The following MCPH1 variants were observed in gnomAD, a reference collection of about 807,000 sequenced individuals.
The protein encoded by MCPH1 is microcephalin 1.
A neutral mutation model predicts 84.5 loss-of-function variants in MCPH1; 104 were observed. That is an observed-to-expected ratio of 1.23 (90% confidence interval 1.05 to 1.45). MCPH1 has a LOEUF of 1.45. MCPH1 is among the 40% of genes most tolerant of loss of function. The pLI, the probability that MCPH1 is intolerant of heterozygous loss-of-function variation, is 0.00. For missense variants in MCPH1, 1,498 were observed against 1,005.7 expected, an observed-to-expected ratio of 1.49 and a Z score of -6.62; for synonymous variants, 514 against 366.8, an observed-to-expected ratio of 1.40 and a Z score of -4.58.
At chr8:6,527,814 C>T in intron 12 of MCPH1, 1 of 837,474 alleles carries the variant, frequency 1.2e-6, no homozygotes, top group Non-Finnish European at 1.8e-6. Context: ...CTTATTTTGG[C>T]ATATTTTTCA....
intron 9 of MCPH1, among the ~76,000 whole-genome samples, chr8:6,475,624 G>T (rs1808346367): frequency 6.6e-6 from 1 of 152,216 alleles, no homozygotes; most frequent in Non-Finnish European, 1.5e-5. Context: ...TGAGTCGGGA[G>T]GGCAATGCTC....
At chr8:6,633,847 G>C (rs71525746) in intron 13 of MCPH1, among the ~76,000 whole-genome samples, 1 of 152,166 alleles carries the variant, frequency 6.6e-6, no homozygotes, top group Middle Eastern at 3.4e-3. Flanking sequence ...TGAAAATGTC[G>C]AAAAGGCCTG....
At chr8:6,419,507 C>T (rs1282597021) in intron 3 of MCPH1, among the ~76,000 whole-genome samples, 1 of 152,048 alleles carries the variant, frequency 6.6e-6, no homozygotes, top group African/African-American at 2.4e-5. Context: ...ATTCTCCTGC[C>T]TCAGCCTCCC....
intron 12 of MCPH1, among the ~76,000 whole-genome samples, chr8:6,511,350 G>C (rs543337238): frequency 9.2e-5 from 14 of 152,104 alleles, no homozygotes; most frequent in African/African-American, 3.1e-4. Flanking sequence ...GTGGAGTAAA[G>C]AGGTAACATC....
At chr8:6,462,082 A>C (rs1289944309) in intron 9 of MCPH1, among the ~76,000 whole-genome samples, 1 of 152,218 alleles carries the variant, frequency 6.6e-6, no homozygotes, top group Non-Finnish European at 1.5e-5. Flanking sequence ...CAGAGCACAG[A>C]AATGTTTACA....
At chr8:6,511,689 C>G (rs1467210980) in intron 12 of MCPH1, among the ~76,000 whole-genome samples, 1 of 152,118 alleles carries the variant, frequency 6.6e-6, no homozygotes, top group East Asian at 1.9e-4. Context: ...GATGTAATAT[C>G]TATTTTATCT....
chr8:6,613,605 G>C (rs2980664), intron 12 of MCPH1, among the ~76,000 whole-genome samples: 1 of 151,812 alleles, frequency 6.6e-6, no homozygotes, highest in East Asian at 2.0e-4. Flanking sequence ...TCCCCGGGGA[G>C]ACAGGAGCCC....
At chr8:6,461,770 G>A (rs940940964) in intron 9 of MCPH1, among the ~76,000 whole-genome samples, 4 of 152,146 alleles carry the variant, frequency 2.6e-5, no homozygotes, top group African/African-American at 4.8e-5. Flanking sequence ...ATATTATGAC[G>A]AATTTTGACC....
intron 11 of MCPH1, among the ~76,000 whole-genome samples, chr8:6,496,538 C>T (rs574162524): frequency 8.6e-5 from 13 of 151,866 alleles, no homozygotes; most frequent in South Asian, 2.1e-4. Context: ...CCCCTTCCCC[C>T]GCCTTTTTCC....
chr8:6,568,259 GGAATGTGGACCCATCGCTAGCT>G (rs1826370436), intron 12 of MCPH1, among the ~76,000 whole-genome samples: 2 of 118,030 alleles, frequency 1.7e-5, no homozygotes, highest in South Asian at 5.0e-4. Flanking sequence ...AGCTGAATGT[GGAATGTGGACCCATCGCTAGCT>G]GAATGTGGAA....
At chr8:6,535,424 A>G (rs1281547975) in intron 12 of MCPH1, among the ~76,000 whole-genome samples, 3 of 152,266 alleles carry the variant, frequency 2.0e-5, no homozygotes, top group Admixed American at 1.3e-4. Context: ...CATAAAAACA[A>G]TAGAATGCAA....
intron 12 of MCPH1, among the ~76,000 whole-genome samples, chr8:6,566,920 G>C (rs1826217977): frequency 6.7e-6 from 1 of 148,278 alleles, no homozygotes; most frequent in Non-Finnish European, 1.5e-5. Context: ...CAAGGCCATG[G>C]ATAGTGCACG....
intron 12 of MCPH1, among the ~76,000 whole-genome samples, chr8:6,577,950 G>A (rs1034563001): frequency 7.2e-5 from 11 of 152,168 alleles, no homozygotes; most frequent in Admixed American, 6.5e-5. Context: ...TGTCTGTGGG[G>A]GTAGGTCCTC....
intron 11 of MCPH1, among the ~76,000 whole-genome samples, chr8:6,483,425 C>A (rs886207144): frequency 6.6e-6 from 1 of 152,130 alleles, no homozygotes; most frequent in Non-Finnish European, 1.5e-5. Flanking sequence ...TTTGGGGCAT[C>A]CTTTCAAGCT....
chr8:6,499,710 A>G (rs1586135550), intron 11 of MCPH1, 142 bp from the exon 12 acceptor site: 3 of 702,364 alleles, frequency 4.3e-6, no homozygotes, highest in East Asian at 5.1e-5. Context: ...AAGATTCTGA[A>G]GGGACTTTGT....
chr8:6,582,451 T>A (rs547999611), intron 12 of MCPH1, among the ~76,000 whole-genome samples: 13 of 152,366 alleles, frequency 8.5e-5, no homozygotes, highest in African/African-American at 3.1e-4. Flanking sequence ...TCTGTGTATT[T>A]GCTTATTTAA....
chr8:6,568,732 C>T (rs1004320907), intron 12 of MCPH1, among the ~76,000 whole-genome samples: 3 of 152,234 alleles, frequency 2.0e-5, no homozygotes, highest in African/African-American at 7.2e-5. Flanking sequence ...TTCCATCAGG[C>T]CTGGGCAGCC....
intron 9 of MCPH1, among the ~76,000 whole-genome samples, chr8:6,465,485 C>T (rs1207182196): frequency 6.6e-5 from 10 of 152,212 alleles, no homozygotes; most frequent in Non-Finnish European, 2.9e-5. Flanking sequence ...GAGACTGTGA[C>T]TCACTTCTGT....
chr8:6,490,397 G>T (rs1014252114), intron 11 of MCPH1, among the ~76,000 whole-genome samples: 2 of 152,096 alleles, frequency 1.3e-5, no homozygotes, highest in East Asian at 3.9e-4. Flanking sequence ...GGACTTTGGG[G>T]ACATTGTTAA....
Sources: gnomAD v4.1 joint callset for allele counts (sites outside exome capture counted in the v4.1 genomes callset) on GRCh38, gnomAD v4.1.1 for gene constraint, MANE v1.5 for transcripts, NCBI Gene and HGNC (gene_info 2026-07-23, HGNC 2026-07-21) for gene names.